The following GLYAT variants were observed in gnomAD, a reference collection of about 807,000 sequenced individuals.
GLYAT encodes the protein glycine N-acyltransferase.
A neutral mutation model predicts 22.8 loss-of-function variants in GLYAT; 25 were observed. The ratio of observed to expected loss-of-function variants is 1.09; its 90% CI spans 0.80 to 1.53. The LOEUF is 1.53. Among genes scored for constraint, GLYAT ranks in the 40% most tolerant of loss-of-function variants. The probability of loss-of-function intolerance (pLI) is 0.00; values close to 1 mark genes in which losing one functional copy is unlikely to be tolerated. For missense variants in GLYAT, 411 were observed against 353.9 expected, an observed-to-expected ratio of 1.16 and a Z score of -1.29; for synonymous variants, 140 against 122.7, an observed-to-expected ratio of 1.14 and a Z score of -0.93.
At chr11:58,725,827 C>T (rs949987786) in intron 1 of GLYAT, among the ~76,000 whole-genome samples, 1 of 152,080 alleles carries the variant, frequency 6.6e-6, no homozygotes, top group Non-Finnish European at 1.5e-5. Flanking sequence ...CTGATTCTTC[C>T]CATGGGGGTG....
Position 58,724,437 on chromosome 11 carries a change from C to A in GLYAT, c.60G>T (p.Lys20Asn). ...TCACCTTTAAGGATGCTGGGAGGCTCTTCCTCAAGGATTTCTCCAGCATCT... is the reference window on the plus strand; with the variant it reads ...TCACCTTTAAGGATGCTGGGAGGCTATTCCTCAAGGATTTCTCCAGCATCT... ...MLQMLEKSLR[K>N]SLPASLKVYG... The change falls in exon 2 of 6, where the codon AAG (lysine) becomes AAT (asparagine). Residue 20 changes from lysine to asparagine, a missense_variant. Physicochemically the swap from Lys to Asn is moderately conservative, Grantham distance 94. Coordinates refer to ENST00000344743, the MANE Select transcript of GLYAT (RefSeq NM_201648.3). 1 of 1,603,864 alleles carries A rather than the reference C, an allele frequency of 6.2e-7. No individual in the cohort carries two copies. Among genetic ancestry groups the A allele is most frequent in the Non-Finnish European group, 8.5e-7 (1 of 1,171,838 alleles).
intron 3 of GLYAT, among the ~76,000 whole-genome samples, chr11:58,713,624 A>G (rs977026942): frequency 6.6e-6 from 1 of 152,170 alleles, no homozygotes; most frequent in African/African-American, 2.4e-5. Context: ...GAAACAAACA[A>G]TCCACTTACA....
intron 2 of GLYAT, 99 bp from the exon 3 acceptor site, chr11:58,715,522 C>T (rs1394478485): frequency 1.7e-5 from 11 of 640,894 alleles, no homozygotes; most frequent in Non-Finnish European, 2.5e-5. Flanking sequence ...AAAATCATGA[C>T]ATTTTATGAT....
intron 1 of GLYAT, among the ~76,000 whole-genome samples, chr11:58,727,347 G>C (rs1856821252): frequency 6.6e-6 from 1 of 152,162 alleles, no homozygotes; most frequent in Non-Finnish European, 1.5e-5. Flanking sequence ...AAGTCACATG[G>C]CATGTGAAGT....
chr11:58,710,910 T>C (rs1354783961), intron 4 of GLYAT, 149 bp from the exon 5 acceptor site: 2 of 545,796 alleles, frequency 3.7e-6, no homozygotes, highest in Non-Finnish European at 6.5e-6. Flanking sequence ...TCAATAGTAA[T>C]TTAAAAAGTG....
chr11:58,726,757 T>C (rs1158654065), intron 1 of GLYAT, among the ~76,000 whole-genome samples: 9 of 151,998 alleles, frequency 5.9e-5, no homozygotes, highest in Admixed American at 5.2e-4. Context: ...TGCAGCATAT[T>C]GAAAAGGGAG....
chr11:58,724,598 AG>A (rs1856792920), intron 1 of GLYAT, 87 bp from the exon 2 acceptor site: 4 of 460,120 alleles, frequency 8.7e-6, no homozygotes, highest in South Asian at 4.4e-5. Context: ...ATTAATGACC[AG>A]GTTTTTTTTT....
At chr11:58,720,619 G>C (rs1372997960) in intron 2 of GLYAT, among the ~76,000 whole-genome samples, 1 of 151,998 alleles carries the variant, frequency 6.6e-6, no homozygotes, top group Non-Finnish European at 1.5e-5. Flanking sequence ...CTTATTGACT[G>C]TGGACCAGAC....
chr11:58,724,543 G>C (rs2134494392), intron 1 of GLYAT, 32 bp from the exon 2 acceptor site: 3 of 1,232,434 alleles, frequency 2.4e-6, no homozygotes, highest in Non-Finnish European at 3.5e-6. Context: ...ATACAGGATT[G>C]AGAAAAGCTA....
intron 1 of GLYAT, among the ~76,000 whole-genome samples, chr11:58,729,352 G>A (rs1856848393): frequency 6.6e-6 from 1 of 152,066 alleles, no homozygotes; most frequent in Non-Finnish European, 1.5e-5. Context: ...GCTCTCATAA[G>A]TGTTTATGCA....
At chr11:58,710,402 A>G (rs933806881) in intron 5 of GLYAT, 188 bp downstream of exon 5, 22 of 735,020 alleles carry the variant, frequency 3.0e-5, no homozygotes, top group Middle Eastern at 3.8e-4. Context: ...TTTATTCTAG[A>G]TGAGAAGGGA....
At chr11:58,724,389 A>C (rs1352451922) in intron 2 of GLYAT, 27 bp downstream of exon 2, 1 of 1,291,052 alleles carries the variant, frequency 7.7e-7, no homozygotes. Flanking sequence ...TGTCTTCTTT[A>C]CTCCTCTCAG....
At chr11:58,719,533 A>G (rs1401337786) in intron 2 of GLYAT, among the ~76,000 whole-genome samples, 1 of 151,990 alleles carries the variant, frequency 6.6e-6, no homozygotes, top group Non-Finnish European at 1.5e-5. Context: ...TTATCTTTCA[A>G]AATCAGGCAT....
rs1360881485 is a variant in GLYAT at position 58,709,613 on chromosome 11, G to A, written c.*153C>T. 6.9e-6 allele frequency: 5 copies of A among 725,958 alleles called. No individual in the cohort carries two copies. The highest frequency in any genetic ancestry group is 3.5e-5 in the African/African-American group (2 of 57,002). The allele number at this position is 725,958 out of a possible 1,614,324, so 45.0% of individuals were successfully genotyped here. A position where few individuals can be genotyped will look rare whatever the true frequency, so the allele number is the denominator to read the frequency against. On this transcript the variant is annotated 3_prime_UTR_variant, in exon 6 of 6. Transcript: ENST00000344743. ...AACCTGTGAATGCAGGGACCATGGC[G>A]ATGCTGTTGAACATCACACTGCTTC... is the stretch of plus-strand genomic sequence containing the variant.
intron 2 of GLYAT, among the ~76,000 whole-genome samples, chr11:58,720,993 G>T (rs879699161): frequency 2.0e-5 from 3 of 151,516 alleles, no homozygotes; most frequent in African/African-American, 4.8e-5. Context: ...TTTTAGTATC[G>T]CATTTAAGCA....
intron 4 of GLYAT, among the ~76,000 whole-genome samples, chr11:58,711,139 A>G (rs1856611996): frequency 6.6e-6 from 1 of 152,226 alleles, no homozygotes; most frequent in Non-Finnish European, 1.5e-5. Context: ...ATTAGGCCAT[A>G]GCCTGTTCCT....
At position 58,715,354 on chromosome 11, in the gene GLYAT, G is replaced by A. The variant is rs1159379548; in HGVS notation, c.151C>T (p.Pro51Ser). 2.5e-6 allele frequency: 4 copies of A among 1,597,340 alleles called. No homozygotes were observed. Among genetic ancestry groups the A allele is most frequent in the Admixed American group, 3.3e-5 (2 of 59,848 alleles). ...FNLKAVVDKW[P>S]DFNTVVVCPQ... ...CAGACAACCACTGTATTAAAATCAGGCCACTTGTCCACCACAGCCTTCAGA... is the reference window on the plus strand; with the variant it reads ...CAGACAACCACTGTATTAAAATCAGACCACTTGTCCACCACAGCCTTCAGA... Residue 51 changes from proline (P) to serine (S), a missense_variant, in exon 3 of 6, where the codon CCT becomes TCT. Pro to Ser is a moderately conservative substitution (Grantham distance 74). Coordinates refer to ENST00000344743, the MANE Select transcript of GLYAT (RefSeq NM_201648.3).
At chr11:58,712,501 G>A (rs529942142) in intron 4 of GLYAT, among the ~76,000 whole-genome samples, 51 of 152,184 alleles carry the variant, frequency 3.4e-4, no homozygotes, top group African/African-American at 1.2e-3. Context: ...ACCCTAAAAG[G>A]TCTGGATACA....
intron 2 of GLYAT, among the ~76,000 whole-genome samples, chr11:58,723,026 T>C (rs945313756): frequency 1.3e-5 from 2 of 152,004 alleles, no homozygotes; most frequent in African/African-American, 2.4e-5. Flanking sequence ...TATCTCACCA[T>C]AGAGGGGTCC....
Sources: allele counts gnomAD v4.1 joint callset (sites outside exome capture counted in the v4.1 genomes callset), GRCh38; gene constraint gnomAD v4.1.1; transcripts MANE v1.5; gene names NCBI Gene and HGNC (gene_info 2026-07-23, HGNC 2026-07-21).